The following ASIC2 variants were observed in gnomAD, a reference collection of about 807,000 sequenced individuals.
The protein encoded by ASIC2 is acid sensing ion channel subunit 2, also known as acid-sensing ion channel 2.
A neutral mutation model predicts 57.3 loss-of-function variants in ASIC2; 25 were observed. That is an observed-to-expected ratio of 0.44 (90% confidence interval 0.32 to 0.61). The LOEUF is 0.61. ASIC2 is among the 20% of genes least tolerant of loss of function. ASIC2 has a pLI of 0.06. For synonymous variants in ASIC2, 319 were observed against 307.5 expected (o/e 1.04, Z -0.39); for missense variants, 641 against 738.1 (o/e 0.87, Z 1.52).
intron 1 of ASIC2, among the ~76,000 whole-genome samples, chr17:34,122,583 C>T (rs996987325): frequency 1.3e-5 from 2 of 152,222 alleles, no homozygotes; most frequent in Admixed American, 6.5e-5. Context: ...GGAATGAACA[C>T]AAATGTTATA....
At chr17:33,155,499 T>C (rs954629354) in intron 1 of ASIC2, among the ~76,000 whole-genome samples, 6 of 152,136 alleles carry the variant, frequency 3.9e-5, no homozygotes, top group African/African-American at 1.4e-4. Flanking sequence ...TTGAGGCTTC[T>C]TTGGCCATTT....
At chr17:33,968,713 A>T (rs1305493960) in intron 1 of ASIC2, among the ~76,000 whole-genome samples, 3 of 152,116 alleles carry the variant, frequency 2.0e-5, no homozygotes, top group African/African-American at 7.2e-5. Context: ...CGGCCCCATT[A>T]CCGCCATGCC....
chr17:33,173,986 C>T (rs1238480664), intron 1 of ASIC2, among the ~76,000 whole-genome samples: 2 of 152,144 alleles, frequency 1.3e-5, no homozygotes, highest in East Asian at 3.9e-4. Context: ...CCACAAGTGC[C>T]TCTGCTGCCT....
intron 1 of ASIC2, among the ~76,000 whole-genome samples, chr17:33,403,855 T>G (rs1910371674): frequency 6.6e-6 from 1 of 152,188 alleles, no homozygotes; most frequent in Non-Finnish European, 1.5e-5. Context: ...AGGAAATGAC[T>G]TTTCCAAGCC....
chr17:33,178,720 C>G (rs1487174717), intron 1 of ASIC2, among the ~76,000 whole-genome samples: 1 of 152,204 alleles, frequency 6.6e-6, no homozygotes, highest in African/African-American at 2.4e-5. Context: ...CCTAGAGGAT[C>G]AGTTTCCAAT....
intron 1 of ASIC2, among the ~76,000 whole-genome samples, chr17:34,030,626 C>T (rs533588674): frequency 1.1e-4 from 17 of 152,340 alleles, no homozygotes; most frequent in Admixed American, 9.8e-4. Context: ...GGGTGATAGA[C>T]AGCACCTGGA....
At chr17:33,895,625 T>C (rs1400242479) in intron 1 of ASIC2, among the ~76,000 whole-genome samples, 2 of 152,234 alleles carry the variant, frequency 1.3e-5, no homozygotes, top group Non-Finnish European at 2.9e-5. Context: ...CTAGTTTACT[T>C]GGAGCCAACA....
At chr17:33,676,685 C>T (rs921955578) in intron 1 of ASIC2, among the ~76,000 whole-genome samples, 5 of 152,220 alleles carry the variant, frequency 3.3e-5, no homozygotes, top group African/African-American at 1.2e-4. Flanking sequence ...AAGAAGCCAT[C>T]TCCACAACAT....
At chr17:33,544,733 T>C (rs1050554611) in intron 1 of ASIC2, among the ~76,000 whole-genome samples, 2 of 152,170 alleles carry the variant, frequency 1.3e-5, no homozygotes, top group African/African-American at 4.8e-5. Flanking sequence ...TGCATACTTA[T>C]TAAAATAGCC....
chr17:33,708,151 G>A (rs1340789604), intron 1 of ASIC2, among the ~76,000 whole-genome samples: 1 of 152,144 alleles, frequency 6.6e-6, no homozygotes, highest in African/African-American at 2.4e-5. Flanking sequence ...TTCTTTTATG[G>A]AGTTTCAACC....
intron 1 of ASIC2, among the ~76,000 whole-genome samples, chr17:33,154,297 C>G (rs1459064371): frequency 6.6e-6 from 1 of 152,222 alleles, no homozygotes; most frequent in African/African-American, 2.4e-5. Flanking sequence ...ATCCTCCTGC[C>G]TCAGCTTCTT....
intron 3 of ASIC2, among the ~76,000 whole-genome samples, chr17:33,072,812 C>T (rs565293333): frequency 6.6e-6 from 1 of 152,298 alleles, no homozygotes; most frequent in South Asian, 2.1e-4. Flanking sequence ...CAGGCAGGGG[C>T]CTTAGCTTTC....
At chr17:34,130,188 C>T (rs1310011929) in intron 1 of ASIC2, among the ~76,000 whole-genome samples, 2 of 152,226 alleles carry the variant, frequency 1.3e-5, no homozygotes, top group African/African-American at 2.4e-5. Flanking sequence ...CTGTCACACA[C>T]TTTTCAAGGC....
At chr17:33,785,017 A>C (rs932659204) in intron 1 of ASIC2, among the ~76,000 whole-genome samples, 4 of 152,162 alleles carry the variant, frequency 2.6e-5, no homozygotes, top group Admixed American at 1.3e-4. Context: ...ACATTCCCCC[A>C]AAAATTCCTA....
intron 1 of ASIC2, among the ~76,000 whole-genome samples, chr17:33,718,140 C>CCTA (rs912416980): frequency 3.2e-4 from 49 of 152,118 alleles, no homozygotes; most frequent in African/African-American, 1.2e-3. Flanking sequence ...TCGCACATAA[C>CCTA]CTACACACAT....
intron 2 of ASIC2, among the ~76,000 whole-genome samples, chr17:33,102,766 A>ATTTG (rs780030271): frequency 4.0e-5 from 6 of 151,806 alleles, no homozygotes; most frequent in South Asian, 2.1e-4. Context: ...TTTTAAATTT[A>ATTTG]TTTGTTTGTT....
At chr17:33,534,227 A>G (rs974891120) in intron 1 of ASIC2, 7 of 152,268 alleles carry the variant, frequency 4.6e-5, no homozygotes, top group African/African-American at 1.4e-4. Context: ...TTCAAATTCA[A>G]ACGCGAACCA....
chr17:33,550,582 T>G (rs538422635), intron 1 of ASIC2, among the ~76,000 whole-genome samples: 5 of 152,322 alleles, frequency 3.3e-5, no homozygotes, highest in South Asian at 4.1e-4. Flanking sequence ...CCAGACACTC[T>G]AGGTTTGGTC....
chr17:33,857,449 A>G (rs1913989996), intron 1 of ASIC2, among the ~76,000 whole-genome samples: 1 of 152,158 alleles, frequency 6.6e-6, no homozygotes, highest in Non-Finnish European at 1.5e-5. Flanking sequence ...TCCATCCCCA[A>G]TTCAGCCAGT....
Sources: gnomAD v4.1 joint callset for allele counts (sites outside exome capture counted in the v4.1 genomes callset) on GRCh38, gnomAD v4.1.1 for gene constraint, MANE v1.5 for transcripts, NCBI Gene and HGNC (gene_info 2026-07-23, HGNC 2026-07-21) for gene names.